Variants in UNC79 observed in about 807,000 individuals in gnomAD.
UNC79 encodes protein unc-79 homolog.
Under a neutral mutation model 283.1 loss-of-function variants are expected in UNC79, and 37 were observed. The observed-to-expected ratio is 0.13, with a 90% CI of 0.10 to 0.17. The LOEUF is 0.17. Among genes scored for constraint, UNC79 ranks in the 10% least tolerant of loss-of-function variants. UNC79 has a pLI of 1.00. For missense variants in UNC79, 2,272 were observed against 3,211.1 expected (o/e 0.71, Z 7.07); for synonymous variants, 1,107 against 1,200.2 (o/e 0.92, Z 1.61).
At chr14:93,507,734 A>AT (rs1232190274) in intron 7 of UNC79, among the ~76,000 whole-genome samples, 1 of 152,052 alleles carries the variant, frequency 6.6e-6, no homozygotes, top group Admixed American at 6.5e-5. Context: ...GAAATTTATC[A>AT]TTTTTGCTCT....
intron 3 of UNC79, among the ~76,000 whole-genome samples, chr14:93,476,788 G>A (rs2057824333): frequency 1.3e-5 from 2 of 152,208 alleles, no homozygotes; most frequent in Admixed American, 1.3e-4. Flanking sequence ...AAGCTAAATA[G>A]TTATGGTTTT....
chr14:93,634,233 A>C (rs987159373), intron 31 of UNC79, among the ~76,000 whole-genome samples: 1 of 152,204 alleles, frequency 6.6e-6, no homozygotes, highest in African/African-American at 2.4e-5. Flanking sequence ...CAGAGTATAT[A>C]ATTTTAAAAG....
chr14:93,542,004 CAAAAA>C (rs745650977), intron 13 of UNC79, among the ~76,000 whole-genome samples: 523 of 59,904 alleles, frequency 8.7e-3, no homozygotes, highest in African/African-American at 0.023. Flanking sequence ...GACTCCATCT[CAAAAA>C]AAAAAAAAAA....
chr14:93,681,153 G>A (rs1566914728), intron 41 of UNC79, among the ~76,000 whole-genome samples: 3 of 152,200 alleles, frequency 2.0e-5, no homozygotes, highest in South Asian at 2.1e-4. Context: ...TCAGTTTTCT[G>A]TAACTGTATT....
At position 93,621,977 on chromosome 14, in the gene UNC79, A is replaced by C; in HGVS notation, c.4744A>C (p.Arg1582=). 1.9e-6 allele frequency: 3 copies of C among 1,614,088 alleles called. No individual in the cohort carries two copies. Among genetic ancestry groups the C allele is most frequent in the Non-Finnish European group, 2.5e-6 (3 of 1,180,020 alleles). ...TCGAAGGCCTGTCATACCAGAGGTT[A>C]GGTTAAACTGTATGGAGACTTTCGA... The change falls in exon 30 of 49, where the codon AGG becomes CGG. Residue 1582 remains arginine, a synonymous_variant. Transcript: ENST00000555664. This position sits in a 1 kb window ranked among gnomAD's most constrained non-coding sequence, Gnocchi z 4.8.
intron 1 of UNC79, among the ~76,000 whole-genome samples, chr14:93,444,145 T>A (rs2056395816): frequency 6.6e-6 from 1 of 152,216 alleles, no homozygotes; most frequent in Non-Finnish European, 1.5e-5. Flanking sequence ...GTCTTTCTAG[T>A]TGGTGTGCAG....
intron 14 of UNC79, among the ~76,000 whole-genome samples, chr14:93,564,969 C>T (rs2062790585): frequency 1.3e-5 from 2 of 152,170 alleles, no homozygotes; most frequent in Non-Finnish European, 2.9e-5. Flanking sequence ...AGAGGCTTGA[C>T]AGAAATGTGC....
At chr14:93,540,761 C>T (rs780590729) in exon 13 of UNC79, 83 of 1,613,600 alleles carry the variant, frequency 5.1e-5, no homozygotes, top group Non-Finnish European at 6.4e-5. Flanking sequence ...CTGGATAATG[C>T]TGACTTTGAT....
intron 1 of UNC79, among the ~76,000 whole-genome samples, chr14:93,458,346 C>G (rs1177513712): frequency 6.6e-6 from 1 of 152,174 alleles, no homozygotes; most frequent in Non-Finnish European, 1.5e-5. Context: ...ACTCCTGAGG[C>G]TTATACATAT....
chr14:93,571,833 G>C (rs2063222383), intron 14 of UNC79, 61 bp from the exon 15 acceptor site: 1 of 1,583,076 alleles, frequency 6.3e-7, no homozygotes, highest in East Asian at 2.2e-5. Flanking sequence ...GGAAGTCCTT[G>C]AGTATAATTG....
exon 18 of UNC79, chr14:93,577,973 C>T (rs761847411): frequency 3.1e-6 from 5 of 1,614,144 alleles, no homozygotes; most frequent in Admixed American, 1.7e-5. Context: ...ATTTTGGACA[C>T]CCAGGAGGAA....
intron 41 of UNC79, among the ~76,000 whole-genome samples, chr14:93,674,575 C>A (rs2073167755): frequency 6.6e-6 from 1 of 152,174 alleles, no homozygotes; most frequent in African/African-American, 2.4e-5. Context: ...GCTGTGTCAG[C>A]ACTCGCTGAT....
intron 14 of UNC79, among the ~76,000 whole-genome samples, chr14:93,546,011 G>A (rs1300553180): frequency 9.2e-5 from 14 of 152,198 alleles, no homozygotes; most frequent in African/African-American, 3.4e-4. Context: ...TTATGGGTGC[G>A]GACACAGGAG....
intron 1 of UNC79, among the ~76,000 whole-genome samples, chr14:93,352,804 C>G (rs2054003318): frequency 6.6e-6 from 1 of 152,086 alleles, no homozygotes; most frequent in African/African-American, 2.4e-5. Flanking sequence ...GGGGTTACCT[C>G]CTGATAAACC....
chr14:93,682,575 C>T, intron 41 of UNC79, 42 bp from the exon 45 acceptor site: 2 of 1,520,138 alleles, frequency 1.3e-6, no homozygotes, highest in Non-Finnish European at 9.1e-7. Flanking sequence ...TATTAATGTC[C>T]AGATACCCTT....
At chr14:93,421,404 C>T (rs75211954) in intron 1 of UNC79, among the ~76,000 whole-genome samples, 5,679 of 151,570 alleles carry the variant, frequency 0.037, 229 homozygotes, top group Admixed American at 0.058. Flanking sequence ...AAAATTGAAC[C>T]ATGAATAAAT....
chr14:93,668,841 G>C (rs72692940), intron 40 of UNC79, among the ~76,000 whole-genome samples: 207 of 141,280 alleles, frequency 1.5e-3, no homozygotes, highest in Non-Finnish European at 2.6e-3. Flanking sequence ...GAGACTCTGT[G>C]TCCTTCACAA....
chr14:93,617,099 T>TATTA lies in UNC79; in HGVS notation c.4042-20_4042-17dup, dbSNP rs774005423. 6.3e-7 allele frequency: 1 copy of TATTA among 1,589,114 alleles called. No individual in the cohort carries two copies. The highest frequency in any genetic ancestry group is 8.6e-7 in the Non-Finnish European group (1 of 1,163,650). On this transcript the variant is annotated intron_variant, in intron 27 of 48. Coordinates refer to ENST00000555664, the Ensembl canonical transcript of UNC79. The surrounding 1 kb of genome is among the most constrained non-coding windows in gnomAD (Gnocchi z 4.5). Reference sequence around the variant, plus strand: ...GTGTTCTTTGTAGTTTTCCATCAGTTATTAATATTTTTTCTATTTCAGGTT... The same window carrying TATTA: ...GTGTTCTTTGTAGTTTTCCATCAGTTATTAATTAATATTTTTTCTATTTCAGGTT...
At chr14:93,567,318 C>T (rs189255343) in intron 14 of UNC79, among the ~76,000 whole-genome samples, 2 of 152,200 alleles carry the variant, frequency 1.3e-5, no homozygotes, top group Non-Finnish European at 2.9e-5. Flanking sequence ...CTCCGCCTCC[C>T]AGGTTCAAGC....
Sources: allele counts gnomAD v4.1 joint callset (sites outside exome capture counted in the v4.1 genomes callset), GRCh38; gene constraint gnomAD v4.1.1; non-coding constraint Gnocchi (gnomAD v3.1); transcripts MANE v1.5; gene names NCBI Gene and HGNC (gene_info 2026-07-23, HGNC 2026-07-21).